Variants in DLGAP2 observed in about 807,000 individuals in gnomAD.
DLGAP2 encodes the protein DLG associated protein 2.
A neutral mutation model predicts 100.3 loss-of-function variants in DLGAP2; 26 were observed. The observed-to-expected ratio is 0.26, with a 90% CI of 0.19 to 0.36. The LOEUF (loss-of-function observed/expected upper bound fraction) is 0.36, where lower values mean the gene tolerates loss of function less well. DLGAP2 is among the 10% of genes least tolerant of loss of function. DLGAP2 has a pLI of 1.00. For missense variants in DLGAP2, 1,858 were observed against 1,453.2 expected (o/e 1.28, Z -4.53); for synonymous variants, 886 against 630.1 (o/e 1.41, Z -6.08).
At chr8:1,486,525 C>T (rs908564724) in intron 3 of DLGAP2, among the ~76,000 whole-genome samples, 3 of 152,288 alleles carry the variant, frequency 2.0e-5, no homozygotes, top group East Asian at 1.9e-4. Flanking sequence ...AGGCTGTCTG[C>T]TGAGCACATT....
At chr8:1,154,232 G>C (rs936213698) in intron 2 of DLGAP2, among the ~76,000 whole-genome samples, 2 of 152,174 alleles carry the variant, frequency 1.3e-5, no homozygotes, top group Non-Finnish European at 1.5e-5. Flanking sequence ...AGGGAAAAGA[G>C]AAAATGCCTT....
At chr8:1,095,218 A>G (rs1441738437) in intron 2 of DLGAP2, among the ~76,000 whole-genome samples, 2 of 152,228 alleles carry the variant, frequency 1.3e-5, no homozygotes, top group Non-Finnish European at 2.9e-5. Flanking sequence ...ATTGGTGAAC[A>G]CAAAAGCACA....
intron 2 of DLGAP2, among the ~76,000 whole-genome samples, chr8:942,097 C>CTAGTCAT (rs1329455229): frequency 5.3e-5 from 8 of 152,174 alleles, no homozygotes; most frequent in African/African-American, 1.9e-4. Context: ...ACTGGGACCA[C>CTAGTCAT]AGGTGCATGC....
chr8:1,292,168 G>A (rs1302983055), intron 3 of DLGAP2, among the ~76,000 whole-genome samples: 1 of 152,212 alleles, frequency 6.6e-6, no homozygotes, highest in African/African-American at 2.4e-5. Context: ...GCTTTGGGGG[G>A]AAGCATGCTT....
At chr8:1,685,595 A>G (rs910890578) in intron 12 of DLGAP2, among the ~76,000 whole-genome samples, 2 of 152,212 alleles carry the variant, frequency 1.3e-5, no homozygotes, top group African/African-American at 2.4e-5. Context: ...TCAGACAATA[A>G]AAAGACATGG....
rs1233786172 is a variant in DLGAP2 at position 944,169 on chromosome 8, G to T, written c.73+36203G>T. Among the ~76,000 whole-genome samples, 5 of 152,212 alleles carry T rather than the reference G, an allele frequency of 3.3e-5. 1 individual carries two copies. The highest frequency in any genetic ancestry group is 1.2e-4 in the African/African-American group (5 of 41,442). On this transcript the variant is annotated intron_variant, in intron 2 of 14. Coordinates refer to ENST00000637795, the MANE Select transcript of DLGAP2 (RefSeq NM_001346810.2). ...TTAGGTGGTAACTGATCCCTGTGGG[G>T]TGATCCAGTGGGCGGTAACCCGTCC... is the stretch of plus-strand genomic sequence containing the variant.
At chr8:1,004,897 C>G (rs1020184070) in intron 2 of DLGAP2, among the ~76,000 whole-genome samples, 1 of 152,196 alleles carries the variant, frequency 6.6e-6, no homozygotes, top group Admixed American at 6.5e-5. Context: ...GTGGGCAGAA[C>G]TCAGGCAGGA....
intron 1 of DLGAP2, among the ~76,000 whole-genome samples, chr8:868,518 C>G (rs1270509379): frequency 2.0e-5 from 3 of 152,246 alleles, no homozygotes; most frequent in Admixed American, 1.3e-4. Flanking sequence ...CCACACTGCT[C>G]AGAGTCAGTC....
intron 2 of DLGAP2, among the ~76,000 whole-genome samples, chr8:1,055,278 G>T (rs1802845799): frequency 6.6e-6 from 1 of 152,170 alleles, no homozygotes; most frequent in South Asian, 2.1e-4. Context: ...AACAGAAGAT[G>T]AGTGCATTAA....
chr8:1,641,983 ACCTGTGTCACCCTCGACCCC>A (rs1563275475), intron 8 of DLGAP2, among the ~76,000 whole-genome samples: 13 of 52,364 alleles, frequency 2.5e-4, no homozygotes, highest in African/African-American at 1.1e-3. Flanking sequence ...GCCGGTCCCC[ACCTGTGTCACCCTCGACCCC>A]GCTGGTCCTC....
intron 2 of DLGAP2, among the ~76,000 whole-genome samples, chr8:1,250,771 T>G (rs1303058652): frequency 3.3e-5 from 5 of 152,182 alleles, no homozygotes; most frequent in Non-Finnish European, 5.9e-5. Context: ...ATTATGTAAT[T>G]GAAGGAACTG....
In DLGAP2 at chr8:1,501,345, A is replaced by G. The variant is rs561563505; in HGVS notation, c.107-21A>G. On this transcript the variant is annotated intron_variant, in intron 3 of 14. Transcript: ENST00000637795. ...TACACCAGAAACGCATTAAAGAGTGACTTTGTTTCTGTCTTTGCAGAGGAA... is the reference window on the plus strand; with the variant it reads ...TACACCAGAAACGCATTAAAGAGTGGCTTTGTTTCTGTCTTTGCAGAGGAA... 2.8e-4 allele frequency: 431 copies of G among 1,535,856 alleles called. 1 individual carries two copies. Among genetic ancestry groups the G allele is most frequent in the African/African-American group, 1.3e-3 (94 of 73,156 alleles).
chr8:1,556,457 G>A (rs1314431593), intron 5 of DLGAP2, among the ~76,000 whole-genome samples: 8 of 152,200 alleles, frequency 5.3e-5, no homozygotes, highest in South Asian at 2.1e-4. Context: ...GCAGCTGGGC[G>A]GAGTCCGGCT....
intron 2 of DLGAP2, among the ~76,000 whole-genome samples, chr8:923,783 A>G (rs1798761527): frequency 6.6e-6 from 1 of 152,200 alleles, no homozygotes; most frequent in Non-Finnish European, 1.5e-5. Context: ...TAACTAATTA[A>G]GGGAAAATGT....
intron 2 of DLGAP2, chr8:1,003,409 G>C (rs1485020145): frequency 1.3e-5 from 2 of 152,242 alleles, no homozygotes. Context: ...CCTGCCACAT[G>C]TGTCTTTGTC....
intron 2 of DLGAP2, among the ~76,000 whole-genome samples, chr8:913,870 C>T (rs965695303): frequency 1.3e-5 from 2 of 152,220 alleles, no homozygotes; most frequent in African/African-American, 2.4e-5. Context: ...GGAACCCTGA[C>T]GTGGGAGCCG....
intron 1 of DLGAP2, among the ~76,000 whole-genome samples, chr8:785,986 G>A (rs1821851893): frequency 6.6e-6 from 1 of 152,248 alleles, no homozygotes; most frequent in Non-Finnish European, 1.5e-5. Context: ...CCGTGGAGGT[G>A]TGATGTGTCA....
chr8:1,319,970 G>A (rs1275300718), intron 3 of DLGAP2, among the ~76,000 whole-genome samples: 2 of 152,190 alleles, frequency 1.3e-5, no homozygotes, highest in Non-Finnish European at 2.9e-5. Context: ...TGCTGGTGGA[G>A]TAACAGGGGT....
chr8:881,494 CTCT>C (rs1359315424), intron 1 of DLGAP2, among the ~76,000 whole-genome samples: 2 of 60,828 alleles, frequency 3.3e-5, no homozygotes, highest in African/African-American at 1.2e-4. Flanking sequence ...CATTTCATCT[CTCT>C]TTTTTTTTTT....
Sources: allele counts gnomAD v4.1 joint callset (sites outside exome capture counted in the v4.1 genomes callset), GRCh38; gene constraint gnomAD v4.1.1; transcripts MANE v1.5; gene names NCBI Gene and HGNC (gene_info 2026-07-23, HGNC 2026-07-21).